Variants in ARHGEF10 observed in about 807,000 individuals in gnomAD.
The protein encoded by ARHGEF10 is Rho guanine nucleotide exchange factor (GEF) 10.
In ARHGEF10, 140 loss-of-function variants were observed where a neutral mutation model predicts 147.4. The ratio of observed to expected loss-of-function variants is 0.95; its 90% confidence interval spans 0.83 to 1.09. The LOEUF is 1.09. ARHGEF10 is among the 50% of genes least tolerant of loss of function. The probability of loss-of-function intolerance (pLI) is 0.00; values close to 1 mark genes in which losing one functional copy is unlikely to be tolerated. For synonymous variants in ARHGEF10, 902 were observed against 695.8 expected, an observed-to-expected ratio of 1.30 and a Z score of -4.67; for missense variants, 2,222 against 1,752.7, an observed-to-expected ratio of 1.27 and a Z score of -4.78.
At chr8:1,935,887 G>T (rs528834635) in intron 26 of ARHGEF10, among the ~76,000 whole-genome samples, 57 of 152,254 alleles carry the variant, frequency 3.7e-4, no homozygotes, top group Non-Finnish European at 7.3e-4. Context: ...GGGGGCACGT[G>T]CAGGGAAGCA....
chr8:1,906,077 A>G (rs1007690084), intron 17 of ARHGEF10, among the ~76,000 whole-genome samples: 1 of 152,220 alleles, frequency 6.6e-6, no homozygotes, highest in Non-Finnish European at 1.5e-5. Flanking sequence ...TTTTTGATAA[A>G]TGTTTAAATA....
intron 7 of ARHGEF10, 61 bp downstream of exon 7, chr8:1,869,311 G>T: frequency 7.0e-7 from 1 of 1,433,068 alleles, no homozygotes; most frequent in Non-Finnish European, 9.9e-7. Flanking sequence ...CCCTCTGGAT[G>T]CCAAAGTGAC....
At chr8:1,923,210 T>C (rs189443862) in intron 19 of ARHGEF10, 131 bp downstream of exon 19, 3 of 900,242 alleles carry the variant, frequency 3.3e-6, no homozygotes, top group East Asian at 2.6e-5. Flanking sequence ...TGAATGTACA[T>C]TTTCTCTTAC....
At chr8:1,894,866 A>T (rs983474026) in intron 13 of ARHGEF10, among the ~76,000 whole-genome samples, 2 of 152,156 alleles carry the variant, frequency 1.3e-5, no homozygotes, top group African/African-American at 4.8e-5. Flanking sequence ...CCATTAGACG[A>T]TTTGCTGAAG....
At chr8:1,857,906 C>G in intron 2 of ARHGEF10, 54 bp from the exon 3 acceptor site, 1 of 1,303,008 alleles carries the variant, frequency 7.7e-7, no homozygotes, top group East Asian at 2.4e-5. Context: ...ATCTATCTAT[C>G]TATCTATCTA....
At chr8:1,922,150 G>A (rs1309957749) in intron 18 of ARHGEF10, among the ~76,000 whole-genome samples, 3 of 151,836 alleles carry the variant, frequency 2.0e-5, no homozygotes, top group Admixed American at 1.3e-4. Context: ...ATTACTTCCT[G>A]TAGTACACAG....
intron 15 of ARHGEF10, among the ~76,000 whole-genome samples, chr8:1,900,815 C>T (rs938981601): frequency 6.6e-6 from 1 of 152,154 alleles, no homozygotes; most frequent in South Asian, 2.1e-4. Flanking sequence ...TTACGTAGGT[C>T]AGTTTGCACA....
At chr8:1,859,189 T>C (rs1805873432) in intron 3 of ARHGEF10, among the ~76,000 whole-genome samples, 1 of 151,742 alleles carries the variant, frequency 6.6e-6, no homozygotes, top group Non-Finnish European at 1.5e-5. Context: ...GCCTCTCGGT[T>C]GTTTGCCCGG....
chr8:1,878,765 G>GAGGAGCCCGCCCA (rs1807921619), intron 8 of ARHGEF10, among the ~76,000 whole-genome samples: 1 of 151,990 alleles, frequency 6.6e-6, no homozygotes, highest in South Asian at 2.1e-4. Flanking sequence ...GAGCGGGCCC[G>GAGGAGCCCGCCCA]TATCCCAGAG....
rs1585595576 is a variant in ARHGEF10, at chr8:1,934,067, G to T, written c.3222+125G>T. 4 of 1,301,286 alleles carry T rather than the reference G, an allele frequency of 3.1e-6. No individual in the cohort carries two copies. In the East Asian group the frequency reaches 9.6e-5, roughly 31 times the overall value. 80.6% of individuals were successfully genotyped at this position (1,301,286 alleles called of 1,614,324 possible). On this transcript the variant is annotated intron_variant, in intron 26 of 28. Coordinates refer to ENST00000349830, the MANE Select transcript of ARHGEF10 (RefSeq NM_014629.4). ...AATTTCCTTCTAGCCGGGCACAGTG[G>T]CTCATGCCTGTAATGCCAACACTCT...
Position 1,945,551 on chromosome 8 carries a change from G to C in ARHGEF10, c.3293G>C (p.Trp1098Ser). 1 of 1,614,232 alleles carries C rather than the reference G, an allele frequency of 6.2e-7. No individual in the cohort carries two copies. The highest frequency in any genetic ancestry group is 2.2e-5 in the East Asian group (1 of 44,874). ...ATGGCCGTGTCCGGCGTCGGGATCT[G>C]GATTGCCTTCACCTCAGGGTCCACG... Reference protein sequence around the residue: ...SHMAVSGVGIWIAFTSGSTLR... With the variant: ...SHMAVSGVGISIAFTSGSTLR... Residue 1098 changes from tryptophan to serine, a missense_variant, in exon 27 of 29, where the codon TGG becomes TCG. Coordinates refer to ENST00000349830, the MANE Select transcript of ARHGEF10 (RefSeq NM_014629.4).
At chr8:1,931,338 A>C (rs1034697466) in intron 25 of ARHGEF10, among the ~76,000 whole-genome samples, 1 of 152,158 alleles carries the variant, frequency 6.6e-6, no homozygotes, top group African/African-American at 2.4e-5. Flanking sequence ...TATTACGTAA[A>C]ATGTATTTTA....
intron 2 of ARHGEF10, among the ~76,000 whole-genome samples, chr8:1,843,721 G>C (rs1804276413): frequency 1.3e-5 from 2 of 152,218 alleles, no homozygotes; most frequent in Non-Finnish European, 2.9e-5. Context: ...CCCTTAGCCT[G>C]ATGCAATCGG....
chr8:1,843,023 A>G (rs1461926165), intron 1 of ARHGEF10, among the ~76,000 whole-genome samples: 2 of 152,248 alleles, frequency 1.3e-5, no homozygotes, highest in African/African-American at 4.8e-5. Context: ...TTCTCCCTTT[A>G]GAATACAGTG....
At chr8:1,832,835 CAGAGACAGAGGCAGAG>C (rs1423692459) in intron 1 of ARHGEF10, among the ~76,000 whole-genome samples, 21 of 35,328 alleles carry the variant, frequency 5.9e-4, no homozygotes, top group Non-Finnish European at 8.3e-4. Flanking sequence ...GAGGCAGAGG[CAGAGACAGAGGCAGAG>C]AGAGACAGAG....
intron 7 of ARHGEF10, 146 bp from the exon 8 acceptor site, chr8:1,876,425 A>C: frequency 1.2e-6 from 1 of 847,552 alleles, no homozygotes; most frequent in South Asian, 1.5e-5. Context: ...CCATGGAGCA[A>C]GCCCGGGGCT....
At chr8:1,914,801 C>T (rs11987895) in intron 18 of ARHGEF10, among the ~76,000 whole-genome samples, 12,583 of 152,176 alleles carry the variant, frequency 0.083, 651 homozygotes, top group African/African-American at 0.15. Context: ...TTTGCAGGTC[C>T]TTCCCACGAC....
chr8:1,886,071 A>G lies in ARHGEF10; in HGVS notation c.1182+364A>G, dbSNP rs2294033. Among the ~76,000 whole-genome samples, 330 of 152,280 alleles carry G rather than the reference A, an allele frequency of 2.2e-3. 10 individuals are homozygous for G. In the East Asian group the frequency reaches 0.034, roughly 16 times the overall value. On this transcript the variant is annotated intron_variant, in intron 11 of 28. Transcript: ENST00000349830. ...CAGAGTGTGGGTTTGTATGGTCAGT[A>G]TGTGTATGTAGCTACCTGAGACTGA...
At chr8:1,930,000 T>G (rs1812995125) in intron 25 of ARHGEF10, among the ~76,000 whole-genome samples, 1 of 152,160 alleles carries the variant, frequency 6.6e-6, no homozygotes, top group Admixed American at 6.5e-5. Context: ...CTCCAGCCCC[T>G]GCCGCGTTGG....
Sources: allele counts gnomAD v4.1 joint callset (sites outside exome capture counted in the v4.1 genomes callset), GRCh38; gene constraint gnomAD v4.1.1; transcripts MANE v1.5; gene names NCBI Gene and HGNC (gene_info 2026-07-23, HGNC 2026-07-21).